BRINP3: variants seen among roughly 807,000 people sequenced by gnomAD.
BRINP3 encodes BMP/retinoic acid inducible neural specific 3.
BRINP3 carries 19 observed loss-of-function variants against 71.0 expected under a neutral mutation model. The observed-to-expected ratio is 0.27, with a 90% CI of 0.19 to 0.39. The LOEUF (loss-of-function observed/expected upper bound fraction) is 0.39, where lower values mean the gene tolerates loss of function less well. Ranked by LOEUF, BRINP3 falls within the 10% of genes least tolerant of loss-of-function variation. The pLI, the probability that BRINP3 is intolerant of heterozygous loss-of-function variation, is 1.00. For missense variants in BRINP3, 959 were observed against 940.8 expected (o/e 1.02, Z -0.25); for synonymous variants, 380 against 337.7 (o/e 1.13, Z -1.37).
At chr1:190,220,125 C>T (rs1026059006) in intron 6 of BRINP3, among the ~76,000 whole-genome samples, 3 of 151,794 alleles carry the variant, frequency 2.0e-5, no homozygotes, top group Non-Finnish European at 2.9e-5. Flanking sequence ...GATTCAATCC[C>T]GATAAGACTA....
chr1:190,326,094 T>C (rs993846602), intron 2 of BRINP3, among the ~76,000 whole-genome samples: 5 of 152,024 alleles, frequency 3.3e-5, no homozygotes, highest in Non-Finnish European at 4.4e-5. Flanking sequence ...AAAAAATCAA[T>C]TGGAGCTTCT....
intron 7 of BRINP3, among the ~76,000 whole-genome samples, chr1:190,156,120 C>T (rs1016306061): frequency 3.9e-5 from 6 of 151,960 alleles, no homozygotes; most frequent in Non-Finnish European, 5.9e-5. Context: ...ATTTTTATGT[C>T]GCATGAATTC....
intron 2 of BRINP3, among the ~76,000 whole-genome samples, chr1:190,418,602 G>A (rs902025267): frequency 2.1e-4 from 32 of 152,124 alleles, no homozygotes; most frequent in Non-Finnish European, 4.3e-4. Context: ...TTTAAAATGT[G>A]AAATAAATCC....
chr1:190,460,655 G>T (rs1676330491), intron 1 of BRINP3, among the ~76,000 whole-genome samples: 2 of 152,160 alleles, frequency 1.3e-5, no homozygotes, highest in African/African-American at 4.8e-5. Flanking sequence ...TACCGGTTTA[G>T]GAAGGCCATG....
At chr1:190,391,717 T>G (rs572122168) in intron 2 of BRINP3, among the ~76,000 whole-genome samples, 1 of 151,770 alleles carries the variant, frequency 6.6e-6, no homozygotes, top group East Asian at 1.9e-4. Context: ...ATGTAGGAAA[T>G]GTATGAGTGA....
intron 6 of BRINP3, among the ~76,000 whole-genome samples, chr1:190,175,253 G>T (rs934182872): frequency 3.9e-5 from 6 of 152,106 alleles, no homozygotes; most frequent in African/African-American, 7.2e-5. Context: ...CAGAGGGATT[G>T]ATCTAGAGTA....
intron 7 of BRINP3, among the ~76,000 whole-genome samples, chr1:190,111,581 G>T (rs1652700855): frequency 6.6e-6 from 1 of 152,088 alleles, no homozygotes; most frequent in African/African-American, 2.4e-5. Context: ...ATGTTACGCA[G>T]TTCTGAAACA....
intron 2 of BRINP3, among the ~76,000 whole-genome samples, chr1:190,321,078 A>C (rs941061002): frequency 2.6e-5 from 4 of 152,106 alleles, no homozygotes; most frequent in African/African-American, 9.7e-5. Context: ...AAAAATAATG[A>C]ATGATCTTAC....
At chr1:190,388,358 C>T (rs758716015) in intron 2 of BRINP3, among the ~76,000 whole-genome samples, 1 of 151,688 alleles carries the variant, frequency 6.6e-6, no homozygotes, top group Non-Finnish European at 1.5e-5. Context: ...AAGCCCAGTA[C>T]CTATGACTGT....
chr1:190,450,390 G>A (rs934028658), intron 2 of BRINP3, among the ~76,000 whole-genome samples: 6 of 152,058 alleles, frequency 3.9e-5, no homozygotes, highest in African/African-American at 1.2e-4. Flanking sequence ...TCTGGCAGAA[G>A]GTTACATATT....
chr1:190,253,254 T>C (rs766610399), intron 4 of BRINP3, among the ~76,000 whole-genome samples: 1 of 152,122 alleles, frequency 6.6e-6, no homozygotes, highest in Non-Finnish European at 1.5e-5. Flanking sequence ...ATGTGTCTTA[T>C]ATTAGCATGA....
chr1:190,312,031 A>G (rs1405674179), intron 2 of BRINP3, among the ~76,000 whole-genome samples: 1 of 123,294 alleles, frequency 8.1e-6, no homozygotes, highest in Non-Finnish European at 1.7e-5. Context: ...ATATTTGAAA[A>G]GTCAAATATA....
intron 2 of BRINP3, among the ~76,000 whole-genome samples, chr1:190,287,459 G>T (rs199764244): frequency 0.024 from 3,649 of 152,064 alleles, 74 homozygotes; most frequent in South Asian, 0.1. Context: ...TAGTAGTAGA[G>T]TTTAATTTTT....
At chr1:190,268,784 G>T (rs983554247) in intron 3 of BRINP3, among the ~76,000 whole-genome samples, 19 of 151,972 alleles carry the variant, frequency 1.3e-4, no homozygotes, top group Non-Finnish European at 2.4e-4. Context: ...AATAATAATG[G>T]ATTAGATCAC....
chr1:190,172,764 G>A (rs1652133465), intron 6 of BRINP3, among the ~76,000 whole-genome samples: 1 of 152,130 alleles, frequency 6.6e-6, no homozygotes, highest in Admixed American at 6.6e-5. Context: ...TATGATAACT[G>A]AACATACGAC....
chr1:190,342,536 G>C (rs1304143018), intron 2 of BRINP3: 1 of 148,584 alleles, frequency 6.7e-6, no homozygotes, highest in African/African-American at 2.5e-5. Context: ...ATTTCAGGTA[G>C]GCACTTGCCC....
intron 7 of BRINP3, among the ~76,000 whole-genome samples, chr1:190,108,080 C>G (rs929927107): frequency 4.0e-5 from 6 of 148,602 alleles, no homozygotes; most frequent in Non-Finnish European, 7.4e-5. Context: ...GAAACTGGGC[C>G]ATTAAAAAAC....
In BRINP3 at chr1:190,160,682, G is replaced by T; in HGVS notation, c.1170C>A (p.Ser390Arg). 1 of 1,612,410 alleles carries T rather than the reference G, an allele frequency of 6.2e-7. No homozygotes were observed. The highest frequency in any genetic ancestry group is 8.5e-7 in the Non-Finnish European group (1 of 1,179,248). The change falls in exon 7 of 8, where the codon AGC becomes AGA. Residue 390 changes from serine to arginine, a missense_variant. Transcript: ENST00000367462. ...SKRCHKQPLI[S>R]LPRQRTSTYW... is the part of the protein sequence containing the mutation. ...AAATGTCTTACCTTTGTCTTGGCAG[G>T]CTGATGAGGGGTTGTTTATGACACC...
intron 6 of BRINP3, among the ~76,000 whole-genome samples, chr1:190,221,226 A>G (rs1421600429): frequency 2.0e-5 from 3 of 152,132 alleles, no homozygotes; most frequent in Admixed American, 6.5e-5. Flanking sequence ...TCAAACAAAC[A>G]AACAACAAAA....
Sources: gnomAD v4.1 joint callset for allele counts (sites outside exome capture counted in the v4.1 genomes callset) on GRCh38, gnomAD v4.1.1 for gene constraint, MANE v1.5 for transcripts, NCBI Gene and HGNC (gene_info 2026-07-23, HGNC 2026-07-21) for gene names.